The following JMJD1C variants were observed in gnomAD, a reference collection of about 807,000 sequenced individuals.
JMJD1C encodes the protein jumonji domain-containing protein 1C.
In JMJD1C, 31 loss-of-function variants were observed where a neutral mutation model predicts 245.3. The observed-to-expected ratio is 0.13, with a 90% CI of 0.09 to 0.17. The LOEUF (loss-of-function observed/expected upper bound fraction) is 0.17, where lower values mean the gene tolerates loss of function less well. Among genes scored for constraint, JMJD1C ranks in the 10% least tolerant of loss-of-function variants. The probability of loss-of-function intolerance (pLI) is 1.00; values close to 1 mark genes in which losing one functional copy is unlikely to be tolerated. For missense variants in JMJD1C, 2,691 were observed against 3,000.2 expected (o/e 0.90, Z 2.41); for synonymous variants, 1,057 against 1,017.4 (o/e 1.04, Z -0.74).
chr10:63,291,584 C>T (rs1289297153), intron 2 of JMJD1C, among the ~76,000 whole-genome samples: 1 of 148,764 alleles, frequency 6.7e-6, no homozygotes, highest in Admixed American at 6.7e-5. Context: ...CACTGCACTA[C>T]AGCCTGGGCA....
chr10:63,353,162 G>A (rs1047984665), intron 2 of JMJD1C, among the ~76,000 whole-genome samples: 1 of 152,120 alleles, frequency 6.6e-6, no homozygotes, highest in Non-Finnish European at 1.5e-5. Context: ...AAGACATAAA[G>A]TAATATCTGA....
intron 2 of JMJD1C, among the ~76,000 whole-genome samples, chr10:63,275,395 A>T (rs1437636342): frequency 6.6e-6 from 1 of 152,250 alleles, no homozygotes; most frequent in Non-Finnish European, 1.5e-5. Flanking sequence ...AAGGAAAAGA[A>T]GTATGACATA....
rs775669335 is a variant in JMJD1C, at chr10:63,207,872, C to T, written c.3797G>A (p.Ser1266Asn). The change falls in exon 10 of 26, where the codon AGT becomes AAT. Residue 1266 changes from serine to asparagine, a missense_variant. Transcript: ENST00000399262. ...EPKDSQANFKSSSEQSLTEMW... is the reference protein window; with the variant it reads ...EPKDSQANFKNSSEQSLTEMW... Reference sequence around the variant, plus strand: ...CTCCGTCAAACTCTGTTCTGAAGAACTCTTAAAATTTGCCTGGGAGTCTTT... The same window carrying T: ...CTCCGTCAAACTCTGTTCTGAAGAATTCTTAAAATTTGCCTGGGAGTCTTT... The T allele has an allele frequency of 1.2e-6, 2 of 1,614,116 alleles. No individual in the cohort carries two copies. Among genetic ancestry groups the T allele is most frequent in the Admixed American group, 3.3e-5 (2 of 60,004 alleles).
At chr10:63,249,408 G>A (rs368348392) in intron 3 of JMJD1C, among the ~76,000 whole-genome samples, 8 of 152,142 alleles carry the variant, frequency 5.3e-5, no homozygotes, top group Non-Finnish European at 1.0e-4. Flanking sequence ...TTGGGGGAGG[G>A]AGGATGAAAA....
chr10:63,359,408 T>C (rs1945138500), intron 2 of JMJD1C, among the ~76,000 whole-genome samples: 1 of 152,258 alleles, frequency 6.6e-6, no homozygotes. Context: ...CAGCAGTTTC[T>C]TCAAAAGTTA....
intron 2 of JMJD1C, among the ~76,000 whole-genome samples, chr10:63,375,674 T>G (rs1420936711): frequency 6.6e-6 from 1 of 151,938 alleles, no homozygotes; most frequent in East Asian, 1.9e-4. Context: ...ACTTAGCCTC[T>G]CAAGTAGCTG....
intron 1 of JMJD1C, among the ~76,000 whole-genome samples, chr10:63,441,583 A>T (rs1035806661): frequency 6.6e-6 from 1 of 152,128 alleles, no homozygotes; most frequent in Non-Finnish European, 1.5e-5. Context: ...GTCCTTCTCA[A>T]AATTATCTCA....
At position 63,427,484 on chromosome 10, in the gene JMJD1C, C is replaced by A. The variant is rs949923431; in HGVS notation, c.168+38011G>T. On this transcript the variant is annotated intron_variant, in intron 1 of 25. Coordinates refer to ENST00000399262, the MANE Select transcript of JMJD1C (RefSeq NM_032776.3). Reference sequence around the variant, plus strand: ...CTCCTGACCAAGACCAACAGGATGTCCCACTGGGCCAAGCAACTGTTTCCT... The same window carrying A: ...CTCCTGACCAAGACCAACAGGATGTACCACTGGGCCAAGCAACTGTTTCCT... The A allele has an allele frequency of 1.5e-5, 19 of 1,245,340 alleles. No homozygotes were observed. The Admixed American group carries it at 3.0e-4, about 20-fold the overall frequency. The allele number at this position is 1,245,340 out of a possible 1,614,324, so 77.1% of individuals were successfully genotyped here.
chr10:63,344,025 G>A (rs952955453), intron 2 of JMJD1C, among the ~76,000 whole-genome samples: 1 of 152,132 alleles, frequency 6.6e-6, no homozygotes, highest in Non-Finnish European at 1.5e-5. Context: ...GCAGCAGATA[G>A]AGACCCTGTC....
Position 63,168,522 on chromosome 10 carries a change from C to G in JMJD1C, c.7446G>C (p.Val2482=), listed in dbSNP as rs745591716. Residue 2482 remains valine (V), a synonymous_variant, in exon 25 of 26, where the codon GTG becomes GTC. Coordinates refer to ENST00000399262, the MANE Select transcript of JMJD1C (RefSeq NM_032776.3). The stretch of plus-strand genomic sequence containing the variant: ...ATGACTCTACAAGATGTTCTGGAGA[C>G]ACAAAATCTTCAGTTACCTGAATAC... ...HSCIQVTEDF[V]SPEHLVESFH... 6.2e-7 allele frequency: 1 copy of G among 1,608,196 alleles called. No individual in the cohort carries two copies. The highest frequency in any genetic ancestry group is 8.5e-7 in the Non-Finnish European group (1 of 1,177,676).
At chr10:63,457,886 T>C (rs1178428440) in intron 1 of JMJD1C, among the ~76,000 whole-genome samples, 1 of 152,238 alleles carries the variant, frequency 6.6e-6, no homozygotes, top group Non-Finnish European at 1.5e-5. Context: ...TATGCATAGT[T>C]TTGTTTTGCC....
intron 24 of JMJD1C, among the ~76,000 whole-genome samples, chr10:63,175,908 C>T (rs1036742111): frequency 2.6e-5 from 4 of 152,106 alleles, no homozygotes; most frequent in Non-Finnish European, 5.9e-5. Context: ...TTTAGACAGG[C>T]CCCTGATATG....
At chr10:63,249,189 G>A (rs1217764049) in intron 3 of JMJD1C, among the ~76,000 whole-genome samples, 7 of 152,140 alleles carry the variant, frequency 4.6e-5, no homozygotes, top group African/African-American at 1.7e-4. Context: ...GGTGGTAAGC[G>A]CCTGTAATCC....
intron 1 of JMJD1C, among the ~76,000 whole-genome samples, chr10:63,480,066 A>G (rs961227279): frequency 6.6e-6 from 1 of 152,210 alleles, no homozygotes; most frequent in Non-Finnish European, 1.5e-5. Context: ...AAAAGAATGA[A>G]TATCTATTAC....
At chr10:63,335,268 CTGT>C in intron 2 of JMJD1C, among the ~76,000 whole-genome samples, 2 of 152,140 alleles carry the variant, frequency 1.3e-5, no homozygotes, top group Middle Eastern at 3.4e-3. Context: ...ACAATGAAAG[CTGT>C]AAGACAAACA....
intron 19 of JMJD1C, among the ~76,000 whole-genome samples, 182 bp from the exon 20 acceptor site, chr10:63,185,835 T>C (rs1202898187): frequency 6.6e-6 from 1 of 152,264 alleles, no homozygotes; most frequent in African/African-American, 2.4e-5. Context: ...GTTCCTTTTG[T>C]ACATGAATAG....
At chr10:63,492,567 G>A (rs533654990) in intron 1 of JMJD1C, among the ~76,000 whole-genome samples, 9 of 151,972 alleles carry the variant, frequency 5.9e-5, no homozygotes, top group African/African-American at 1.9e-4. Context: ...ACAGCTACTC[G>A]GGACTCTGAG....
chr10:63,451,348 A>G (rs1040833043), intron 1 of JMJD1C, among the ~76,000 whole-genome samples: 2 of 152,210 alleles, frequency 1.3e-5, no homozygotes, highest in East Asian at 1.9e-4. Flanking sequence ...ACAGAGTTGA[A>G]TAACTCACAC....
chr10:63,227,861 C>T (rs181541967), intron 3 of JMJD1C, among the ~76,000 whole-genome samples: 143 of 152,256 alleles, frequency 9.4e-4, no homozygotes, highest in Non-Finnish European at 1.6e-3. Context: ...AGATTGCTGG[C>T]AACAGTTTTA....
Sources: allele counts gnomAD v4.1 joint callset (sites outside exome capture counted in the v4.1 genomes callset), GRCh38; gene constraint gnomAD v4.1.1; transcripts MANE v1.5; gene names NCBI Gene and HGNC (gene_info 2026-07-23, HGNC 2026-07-21).